TMEM70: variants seen among roughly 807,000 people sequenced by gnomAD.
The protein encoded by TMEM70 is transmembrane protein 70.
In TMEM70, 15 loss-of-function variants were observed where a neutral mutation model predicts 20.5. The ratio of observed to expected loss-of-function variants is 0.73; its 90% CI spans 0.49 to 1.13. The LOEUF is 1.13. Ranked by LOEUF, TMEM70 falls within the 50% of genes most tolerant of loss-of-function variation. TMEM70 has a pLI of 0.00. For missense variants in TMEM70, 344 were observed against 331.7 expected (o/e 1.04, Z -0.29); for synonymous variants, 141 against 134.2 (o/e 1.05, Z -0.35).
chr8:73,980,704 T>G (rs925909236), intron 2 of TMEM70, among the ~76,000 whole-genome samples: 1 of 152,226 alleles, frequency 6.6e-6, no homozygotes, highest in African/African-American at 2.4e-5. Context: ...TTTATTTCTC[T>G]GGTGATTTGC....
Position 73,979,066 on chromosome 8 carries a change from C to T in TMEM70, c.316+205C>T, listed in dbSNP as rs1445739688. 4.4e-6 allele frequency: 3 copies of T among 686,060 alleles called. No individual in the cohort carries two copies. The African/African-American group carries it at 5.3e-5, about 12-fold the overall frequency. The allele number at this position is 686,060 out of a possible 1,614,324, so 42.5% of individuals were successfully genotyped here. A position where few individuals can be genotyped will look rare whatever the true frequency, so the allele number is the denominator to read the frequency against. On this transcript the variant is annotated intron_variant, in intron 2 of 2. Transcript: ENST00000312184. ...GATTTTTATTTGAGACAGAGTCTCACTCTGTTGTCCAGGCTGGAGTGCAGT... is the reference window on the plus strand; with the variant it reads ...GATTTTTATTTGAGACAGAGTCTCATTCTGTTGTCCAGGCTGGAGTGCAGT...
chr8:73,982,282 TTGAA>T lies in TMEM70; in HGVS notation c.*664_*667del, dbSNP rs2131238454. The T allele has an allele frequency of 1.6e-6, 1 of 617,414 alleles. No individual in the cohort carries two copies. Among genetic ancestry groups the T allele is most frequent in the Non-Finnish European group, 3.1e-6 (1 of 324,372 alleles). The allele number at this position is 617,414 out of a possible 1,614,324, so 38.2% of individuals were successfully genotyped here. A position where few individuals can be genotyped will look rare whatever the true frequency, so the allele number is the denominator to read the frequency against. On this transcript the variant is annotated 3_prime_UTR_variant, in exon 3 of 3. Transcript: ENST00000312184. ...GAAAAGAATCAGTGAAAGGACCAGT[TTGAA>T]TGCCTACCAAGACTTTGAGAATCAC...
chr8:73,981,974 G>T lies in TMEM70; in HGVS notation c.*353G>T, dbSNP rs573788684. 2.1e-6 allele frequency: 1 copy of T among 473,712 alleles called. No homozygotes were observed. Among genetic ancestry groups the T allele is most frequent in the South Asian group, 1.5e-5 (1 of 64,636 alleles). 29.3% of individuals were successfully genotyped at this position (473,712 alleles called of 1,614,324 possible). On this transcript the variant is annotated 3_prime_UTR_variant, in exon 3 of 3. Transcript: ENST00000312184. ...TTTTCTAAGTGTATAAATATTTTCC[G>T]ACATTAAAAGACATTTTCTCTTTGA... is the stretch of plus-strand genomic sequence containing the variant.
chr8:73,977,370 T>C (rs1222745973), intron 1 of TMEM70, among the ~76,000 whole-genome samples: 1 of 151,800 alleles, frequency 6.6e-6, no homozygotes, highest in African/African-American at 2.4e-5. Context: ...GTATTTTTAG[T>C]AGAGACGGGG....
rs1234242574 is a variant in TMEM70 at position 73,976,262 on chromosome 8, A to C, written c.-20A>C. 1 of 1,595,984 alleles carries C rather than the reference A, an allele frequency of 6.3e-7. No homozygotes were observed. The highest frequency in any genetic ancestry group is 8.5e-7 in the Non-Finnish European group (1 of 1,178,010). On this transcript the variant is annotated 5_prime_UTR_variant, in exon 1 of 3. Coordinates refer to ENST00000312184, the MANE Select transcript of TMEM70 (RefSeq NM_017866.6). ...GGACTCGTGCAGCTGGGGCGTCCGC[A>C]GCCGCTCGTCACCCGCGTGATGCTG... is the stretch of plus-strand genomic sequence containing the variant.
At position 73,981,826 on chromosome 8, in the gene TMEM70, A is replaced by G. The variant is rs1430600989; in HGVS notation, c.*205A>G. Reference sequence around the variant, plus strand: ...GTAGTATCTACCATTCGTGTTTTAGAAAGGTATGTGAATAAATATGTTCAT... The same window carrying G: ...GTAGTATCTACCATTCGTGTTTTAGGAAGGTATGTGAATAAATATGTTCAT... On this transcript the variant is annotated 3_prime_UTR_variant, in exon 3 of 3. Coordinates refer to ENST00000312184, the MANE Select transcript of TMEM70 (RefSeq NM_017866.6). 3.0e-6 allele frequency: 2 copies of G among 665,430 alleles called. No homozygotes were observed. The highest frequency in any genetic ancestry group is 3.0e-5 in the South Asian group (2 of 66,410). The allele number at this position is 665,430 out of a possible 1,614,324, so 41.2% of individuals were successfully genotyped here. A position where few individuals can be genotyped will look rare whatever the true frequency, so the allele number is the denominator to read the frequency against.
chr8:73,976,444 G>A lies in TMEM70; in HGVS notation c.163G>A (p.Gly55Arg). Residue 55 changes from glycine (G) to arginine (R), a missense_variant, in exon 1 of 3, where the codon GGG (glycine) becomes AGG (arginine). Physicochemically the swap from Gly to Arg is moderately radical, Grantham distance 125. Coordinates refer to ENST00000312184, the MANE Select transcript of TMEM70 (RefSeq NM_017866.6). ...PSGPVAGWST[G>R]PSGAARLLRR... is the part of the protein sequence containing the mutation. ...GGGGCCGGTAGCCGGCTGGAGTACGGGGCCTTCGGGAGCCGCGCGCCTTCT... is the reference window on the plus strand; with the variant it reads ...GGGGCCGGTAGCCGGCTGGAGTACGAGGCCTTCGGGAGCCGCGCGCCTTCT... 3.8e-6 allele frequency: 6 copies of A among 1,561,758 alleles called. No homozygotes were observed. The highest frequency in any genetic ancestry group is 5.2e-6 in the Non-Finnish European group (6 of 1,160,630).
chr8:73,982,490 A>G lies in TMEM70; in HGVS notation c.*869A>G, dbSNP rs1275458286. On this transcript the variant is annotated 3_prime_UTR_variant, in exon 3 of 3. Coordinates refer to ENST00000312184, the MANE Select transcript of TMEM70 (RefSeq NM_017866.6). Reference sequence around the variant, plus strand: ...AAATGCTTAAGTCAACTGTTTTCATAAATTGATTACCAGTTGTTAAAAAAT... The same window carrying G: ...AAATGCTTAAGTCAACTGTTTTCATGAATTGATTACCAGTTGTTAAAAAAT... 3.0e-6 allele frequency: 2 copies of G among 675,004 alleles called. No homozygotes were observed. Among genetic ancestry groups the G allele is most frequent in the Admixed American group, 3.6e-5 (2 of 55,424 alleles). 41.8% of individuals were successfully genotyped at this position (675,004 alleles called of 1,614,324 possible). A position where few individuals can be genotyped will look rare whatever the true frequency, so the allele number is the denominator to read the frequency against.
chr8:73,978,063 A>G (rs1815695549), intron 1 of TMEM70, among the ~76,000 whole-genome samples: 1 of 152,064 alleles, frequency 6.6e-6, no homozygotes, highest in Non-Finnish European at 1.5e-5. Context: ...ATGTCACCTC[A>G]TGTGACAAGT....
intron 2 of TMEM70, among the ~76,000 whole-genome samples, chr8:73,980,232 G>C (rs1563699186): frequency 6.6e-6 from 1 of 152,144 alleles, no homozygotes; most frequent in Non-Finnish European, 1.5e-5. Flanking sequence ...GGGATTATAG[G>C]TGCATGCCAC....
At chr8:73,978,908 A>T (rs1180482404) in intron 2 of TMEM70, 47 bp downstream of exon 2, 1 of 1,604,398 alleles carries the variant, frequency 6.2e-7, no homozygotes. Context: ...TTTCTCTTTT[A>T]ATTGTAAAAA....
In TMEM70 at chr8:73,981,496, T is replaced by C. The variant is rs781359622; in HGVS notation, c.658T>C (p.Leu220=). The C allele has an allele frequency of 6.2e-7, 1 of 1,613,660 alleles. No homozygotes were observed. Among genetic ancestry groups the C allele is most frequent in the South Asian group, 1.1e-5 (1 of 91,072 alleles). Residue 220 remains leucine (L), a synonymous_variant, in exon 3 of 3, where the codon TTA becomes CTA. Transcript: ENST00000312184. ...ATTTTATGCTAAAACAAAATCACTG[T>C]TAGTTAATCCAGTGCTCTTTCCAAA... is the stretch of plus-strand genomic sequence containing the variant. ...TTFYAKTKSL[L]VNPVLFPNRE...
chr8:73,982,635 A>G lies in TMEM70; in HGVS notation c.*1014A>G, dbSNP rs770496869. ...GGCATGATTGCCCATAAGAACATAC[A>G]TGTACAGTTGAACTGGTGGTTAGCT... On this transcript the variant is annotated 3_prime_UTR_variant, in exon 3 of 3. Coordinates refer to ENST00000312184, the MANE Select transcript of TMEM70 (RefSeq NM_017866.6). 8.5e-6 allele frequency: 4 copies of G among 472,496 alleles called. No individual in the cohort carries two copies. Among genetic ancestry groups the G allele is most frequent in the Admixed American group, 6.9e-5 (3 of 43,306 alleles). 29.3% of individuals were successfully genotyped at this position (472,496 alleles called of 1,614,324 possible). A position where few individuals can be genotyped will look rare whatever the true frequency, so the allele number is the denominator to read the frequency against.
chr8:73,978,613 C>T (rs1168538244), intron 1 of TMEM70, 143 bp from the exon 2 acceptor site: 2 of 780,310 alleles, frequency 2.6e-6, no homozygotes, highest in East Asian at 2.8e-5. Context: ...TTGCTTGAAC[C>T]CGGGAAGCAG....
In TMEM70 at chr8:73,981,034, T is replaced by C. The variant is rs956020389; in HGVS notation, c.317-121T>C. On this transcript the variant is annotated intron_variant, in intron 2 of 2. Transcript: ENST00000312184. Reference sequence around the variant, plus strand: ...TAGAATATAATAAGCACTGTATTTATGGTTTGATTTTGTTGTCTTGAGCTG... The same window carrying C: ...TAGAATATAATAAGCACTGTATTTACGGTTTGATTTTGTTGTCTTGAGCTG... 22 of 809,342 alleles carry C rather than the reference T, an allele frequency of 2.7e-5. No individual in the cohort carries two copies. The Admixed American group carries it at 4.2e-4, about 15-fold the overall frequency. 50.1% of individuals were successfully genotyped at this position (809,342 alleles called of 1,614,324 possible).
In TMEM70 at chr8:73,981,732, T is replaced by A. The variant is rs1449906827; in HGVS notation, c.*111T>A. 4 of 852,358 alleles carry A rather than the reference T, an allele frequency of 4.7e-6. No homozygotes were observed. In the African/African-American group the frequency reaches 5.1e-5, roughly 11 times the overall value. The allele number at this position is 852,358 out of a possible 1,614,324, so 52.8% of individuals were successfully genotyped here. On this transcript the variant is annotated 3_prime_UTR_variant, in exon 3 of 3. Coordinates refer to ENST00000312184, the MANE Select transcript of TMEM70 (RefSeq NM_017866.6). The stretch of plus-strand genomic sequence containing the variant: ...GATTGTTAAAAATAATTTGAAATTA[T>A]CAAAGCTTTTAATTTCCAGAGAATG...
chr8:73,981,538 C>T lies in TMEM70; in HGVS notation c.700C>T (p.His234Tyr). ...VLFPNREDYI[H>Y]LMGYDKEEFI... ...CTTTCCAAACCGTGAAGACTATATC[C>T]ATCTAATGGGTTATGACAAAGAAGA... The change falls in exon 3 of 3, where the codon CAT becomes TAT. Residue 234 changes from histidine to tyrosine, a missense_variant. By Grantham distance (83) the His-to-Tyr change is moderately conservative (BLOSUM62 2). Transcript: ENST00000312184. 6.2e-7 allele frequency: 1 copy of T among 1,613,678 alleles called. No individual in the cohort carries two copies. The highest frequency in any genetic ancestry group is 2.2e-5 in the East Asian group (1 of 44,866).
intron 1 of TMEM70, among the ~76,000 whole-genome samples, chr8:73,978,518 C>G (rs971653049): frequency 3.3e-5 from 5 of 151,492 alleles, no homozygotes; most frequent in Admixed American, 3.3e-4. Flanking sequence ...GGTGAAACCC[C>G]GTCTCTAATA....
chr8:73,981,655 T>A lies in TMEM70; in HGVS notation c.*34T>A, dbSNP rs1447367909. 1 of 1,454,550 alleles carries A rather than the reference T, an allele frequency of 6.9e-7. No homozygotes were observed. The highest frequency in any genetic ancestry group is 1.4e-5 in the African/African-American group (1 of 70,412). 90.1% of individuals were successfully genotyped at this position (1,454,550 alleles called of 1,614,324 possible). ...GTTAGTGTTCGTGCTCAAATGTGAT[T>A]TACGTTTTAATGTATAATAATAAAA... On this transcript the variant is annotated 3_prime_UTR_variant, in exon 3 of 3. Coordinates refer to ENST00000312184, the MANE Select transcript of TMEM70 (RefSeq NM_017866.6).
Sources: allele counts gnomAD v4.1 joint callset (sites outside exome capture counted in the v4.1 genomes callset), GRCh38; gene constraint gnomAD v4.1.1; transcripts MANE v1.5; gene names NCBI Gene and HGNC (gene_info 2026-07-23, HGNC 2026-07-21).